Variants in BIN3 observed in about 807,000 individuals in gnomAD.
BIN3 encodes bridging integrator 3.
BIN3 carries 41 observed loss-of-function variants against 38.2 expected under a neutral mutation model. That is an observed-to-expected ratio of 1.07 (90% confidence interval 0.84 to 1.39). The LOEUF is 1.39. BIN3 is among the 40% of genes most tolerant of loss of function. BIN3 has a pLI of 0.00. For missense variants in BIN3, 361 were observed against 324.3 expected (o/e 1.11, Z -0.87); for synonymous variants, 145 against 122.6 (o/e 1.18, Z -1.21).
At chr8:22,624,608 C>T (rs763789701) in intron 6 of BIN3, 28 of 499,824 alleles carry the variant, frequency 5.6e-5, no homozygotes, top group South Asian at 1.4e-4. Flanking sequence ...CTTGTGCGAA[C>T]GTGGACAATG....
At chr8:22,651,641 C>T (rs1585198955) in intron 1 of BIN3, among the ~76,000 whole-genome samples, 1 of 152,228 alleles carries the variant, frequency 6.6e-6, no homozygotes, top group Non-Finnish European at 1.5e-5. Flanking sequence ...TGTCTTCTAA[C>T]TTCCCAGTAC....
At chr8:22,642,494 C>T (rs1366961014) in intron 2 of BIN3, among the ~76,000 whole-genome samples, 2 of 152,158 alleles carry the variant, frequency 1.3e-5, no homozygotes, top group Non-Finnish European at 2.9e-5. Flanking sequence ...AAGGCCCAGC[C>T]GACTTTTGTT....
In BIN3 at chr8:22,628,913, C is replaced by T. The variant is rs183578360; in HGVS notation, c.338+1051G>A. Among the ~76,000 whole-genome samples the T allele has an allele frequency of 7.6e-4, 116 of 152,302 alleles. 1 individual carries two copies. The highest frequency in any genetic ancestry group is 2.7e-3 in the African/African-American group (114 of 41,574). On this transcript the variant is annotated intron_variant, in intron 6 of 8. Transcript: ENST00000276416. ...TACGCAACCCTGTGGCATGGGGCTG[C>T]GCTGTCCCCAGCAGGCAGGGGGTGG...
chr8:22,652,010 C>G (rs1298906364), intron 1 of BIN3, among the ~76,000 whole-genome samples: 2 of 145,598 alleles, frequency 1.4e-5, no homozygotes, highest in Non-Finnish European at 3.0e-5. Context: ...TTCATTTCTG[C>G]TATCAGATTT....
chr8:22,665,241 G>A lies in BIN3; in HGVS notation c.8+3803C>T, dbSNP rs531766867. Among the ~76,000 whole-genome samples the A allele has an allele frequency of 3.9e-5, 6 of 152,280 alleles. No homozygotes were observed. In the South Asian group the frequency reaches 1.2e-3, roughly 32 times the overall value. On this transcript the variant is annotated intron_variant, in intron 1 of 8. Coordinates refer to ENST00000276416, the MANE Select transcript of BIN3 (RefSeq NM_018688.6). Reference sequence around the variant, plus strand: ...CAATTTAACAATAGTACTTTCAGAGGCTCTTCATTTTAGGAAGTGGTTTGT... The same window carrying A: ...CAATTTAACAATAGTACTTTCAGAGACTCTTCATTTTAGGAAGTGGTTTGT...
In BIN3 at chr8:22,653,272, T is replaced by C. The variant is rs138779630; in HGVS notation, c.9-8469A>G. On this transcript the variant is annotated intron_variant, in intron 1 of 8. Coordinates refer to ENST00000276416, the MANE Select transcript of BIN3 (RefSeq NM_018688.6). The stretch of plus-strand genomic sequence containing the variant: ...GTGTTCCGCTGATTTGCTCCTCTTC[T>C]TCATTAACTGAGTTTTCTAACAATC... Among the ~76,000 whole-genome samples, 44 of 152,364 alleles carry C rather than the reference T, an allele frequency of 2.9e-4. No homozygotes were observed. The East Asian group carries it at 6.9e-3, about 24-fold the overall frequency.
intron 5 of BIN3, 125 bp from the exon 6 acceptor site, chr8:22,630,129 G>A: frequency 8.7e-7 from 1 of 1,144,466 alleles, no homozygotes; most frequent in South Asian, 1.3e-5. Context: ...CCTTGTCCTG[G>A]GCCTGGCTTT....
At chr8:22,638,006 A>G (rs112292429) in intron 2 of BIN3, among the ~76,000 whole-genome samples, 8,149 of 152,292 alleles carry the variant, frequency 0.054, 292 homozygotes, top group African/African-American at 0.092. Context: ...GAACCCAGGC[A>G]GCCTGGCTCC....
chr8:22,626,598 C>G (rs889099343), intron 6 of BIN3: 1 of 151,956 alleles, frequency 6.6e-6, no homozygotes, highest in African/African-American at 2.4e-5. Flanking sequence ...TGCCTGGGAG[C>G]TGCCGGGTAG....
intron 6 of BIN3, chr8:22,625,098 T>TCCTACTACC (rs58771275): frequency 0.067 from 32,155 of 481,240 alleles, 2,595 homozygotes; most frequent in African/African-American, 0.28. Flanking sequence ...CCTGAGGACC[T>TCCTACTACC]CCACTGTGAC....
At chr8:22,637,971 G>T (rs1802425447) in intron 2 of BIN3, among the ~76,000 whole-genome samples, 1 of 152,194 alleles carries the variant, frequency 6.6e-6, no homozygotes, top group South Asian at 2.1e-4. Context: ...ATTGGTGAGG[G>T]GTAGAGTTGA....
chr8:22,645,357 C>T (rs1353974947), intron 1 of BIN3, among the ~76,000 whole-genome samples: 1 of 152,020 alleles, frequency 6.6e-6, no homozygotes, highest in Non-Finnish European at 1.5e-5. Flanking sequence ...TGGCACATGC[C>T]TGTAGTCCCA....
At chr8:22,640,944 A>G (rs1334755782) in intron 2 of BIN3, among the ~76,000 whole-genome samples, 1 of 151,976 alleles carries the variant, frequency 6.6e-6, no homozygotes, top group African/African-American at 2.4e-5. Context: ...GTTTGGACAC[A>G]TTTCACCTCC....
At chr8:22,621,651 T>C in intron 8 of BIN3, 83 bp from the exon 9 acceptor site, 2 of 1,392,686 alleles carry the variant, frequency 1.4e-6, no homozygotes, top group Non-Finnish European at 2.0e-6. Context: ...ACTTCTCTGC[T>C]ACCCCCTGCC....
rs1803525586 is a variant in BIN3 at position 22,669,085 on chromosome 8, A to C, written c.-34T>G. The C allele has an allele frequency of 6.3e-7, 1 of 1,589,152 alleles. No individual in the cohort carries two copies. Among genetic ancestry groups the C allele is most frequent in the Non-Finnish European group, 8.6e-7 (1 of 1,168,104 alleles). On this transcript the variant is annotated 5_prime_UTR_variant, in exon 1 of 9. Coordinates refer to ENST00000276416, the MANE Select transcript of BIN3 (RefSeq NM_018688.6). The stretch of plus-strand genomic sequence containing the variant: ...ACCTGCGTCTGCCGCCGGGGTCCTC[A>C]GCCACAACTCGTTTCTCTAGGGTCA...
At chr8:22,627,706 T>G (rs957928396) in intron 6 of BIN3, among the ~76,000 whole-genome samples, 1 of 152,310 alleles carries the variant, frequency 6.6e-6, no homozygotes, top group Non-Finnish European at 1.5e-5. Context: ...CTCCCACTCC[T>G]AGGTGCTGAC....
intron 2 of BIN3, among the ~76,000 whole-genome samples, chr8:22,638,094 G>A (rs1415460638): frequency 6.6e-6 from 1 of 152,188 alleles, no homozygotes; most frequent in Admixed American, 6.5e-5. Context: ...GCTGCTCCCT[G>A]GGAATCCTGT....
At chr8:22,644,224 A>AT (rs528163459) in intron 2 of BIN3, among the ~76,000 whole-genome samples, 5 of 152,224 alleles carry the variant, frequency 3.3e-5, no homozygotes, top group African/African-American at 4.8e-5. Context: ...CTTTCTAGGG[A>AT]TAAAAACTGT....
chr8:22,624,060 A>G lies in BIN3; in HGVS notation c.481-11T>C. On this transcript the variant is annotated splice_polypyrimidine_tract_variant and intron_variant, in intron 7 of 8. Transcript: ENST00000276416. Reference sequence around the variant, plus strand: ...CAGCTCCTCTCGTGCCTAGGGAACAAGACCTGGGTGTCAAAACTCTCTCAC... The same window carrying G: ...CAGCTCCTCTCGTGCCTAGGGAACAGGACCTGGGTGTCAAAACTCTCTCAC... 1 of 1,581,178 alleles carries G rather than the reference A, an allele frequency of 6.3e-7. No individual in the cohort carries two copies. Among genetic ancestry groups the G allele is most frequent in the Non-Finnish European group, 8.6e-7 (1 of 1,160,360 alleles).
Sources: allele counts gnomAD v4.1 joint callset (sites outside exome capture counted in the v4.1 genomes callset), GRCh38; gene constraint gnomAD v4.1.1; transcripts MANE v1.5; gene names NCBI Gene and HGNC (gene_info 2026-07-23, HGNC 2026-07-21).